LTBP1: variants seen among roughly 807,000 people sequenced by gnomAD.
The protein encoded by LTBP1 is latent-transforming growth factor beta-binding protein 1.
In LTBP1, 129 loss-of-function variants were observed where a neutral mutation model predicts 207.6. The ratio of observed to expected loss-of-function variants is 0.62; its 90% CI spans 0.54 to 0.72. The LOEUF (loss-of-function observed/expected upper bound fraction) is 0.72. Ranked by LOEUF, LTBP1 falls within the 30% of genes least tolerant of loss-of-function variation. The pLI, the probability that LTBP1 is intolerant of heterozygous loss-of-function variation, is 0.00. For missense variants in LTBP1, 2,281 were observed against 2,217.2 expected (o/e 1.03, Z -0.58); for synonymous variants, 963 against 833.7 (o/e 1.16, Z -2.67).
At chr2:33,358,907 A>T (rs2094895833) in intron 26 of LTBP1, among the ~76,000 whole-genome samples, 1 of 152,194 alleles carries the variant, frequency 6.6e-6, no homozygotes, top group Admixed American at 6.5e-5. Flanking sequence ...AGGCCCTTCT[A>T]ACGAAGATCC....
chr2:33,118,558 A>G (rs886138055), intron 4 of LTBP1, among the ~76,000 whole-genome samples: 122 of 152,180 alleles, frequency 8.0e-4, no homozygotes, highest in African/African-American at 2.8e-3. Flanking sequence ...CTGCTTTTCA[A>G]TGATTTCTGG....
chr2:33,183,858 A>G (rs921883793), intron 5 of LTBP1, among the ~76,000 whole-genome samples: 3 of 152,194 alleles, frequency 2.0e-5, no homozygotes, highest in Non-Finnish European at 4.4e-5. Context: ...TAGTTTGGGC[A>G]CTAATGAAGG....
intron 32 of LTBP1, among the ~76,000 whole-genome samples, chr2:33,390,652 T>A (rs2095307310): frequency 6.6e-6 from 1 of 151,970 alleles, no homozygotes; most frequent in Admixed American, 6.6e-5. Context: ...TATGTGCAGC[T>A]AATTTTTGTA....
intron 22 of LTBP1, among the ~76,000 whole-genome samples, chr2:33,304,343 A>G (rs2094049530): frequency 6.6e-6 from 1 of 152,196 alleles, no homozygotes; most frequent in Non-Finnish European, 1.5e-5. Context: ...ATTTAGCCAT[A>G]ATTAACTAAA....
At position 33,082,431 on chromosome 2, in the gene LTBP1, A is replaced by AATTTTTTTTTTTTTTTTTTTTTTTT. The variant is rs2078468929; in HGVS notation, c.864-28151_864-28150insATTTTTTTTTTTTTTTTTTTTTTTT. Reference sequence around the variant, plus strand: ...GTTAACCGTGGCTAAAGTATGACTCACTTTTTTTTTTTTTTTTTTTTTTTT... The same window carrying AATTTTTTTTTTTTTTTTTTTTTTTT: ...GTTAACCGTGGCTAAAGTATGACTCAATTTTTTTTTTTTTTTTTTTTTTTTCTTTTTTTTTTTTTTTTTTTTTTTT... On this transcript the variant is annotated intron_variant, in intron 3 of 33. Transcript: ENST00000404816. Among the ~76,000 whole-genome samples, 5 of 116,044 alleles carry AATTTTTTTTTTTTTTTTTTTTTTTT rather than the reference A, an allele frequency of 4.3e-5. 2 individuals are homozygous for AATTTTTTTTTTTTTTTTTTTTTTTT. Among genetic ancestry groups the AATTTTTTTTTTTTTTTTTTTTTTTT allele is most frequent in the African/African-American group, 6.7e-5 (2 of 29,924 alleles). The allele number at this position is 116,044 out of a possible 152,430, so 76.1% of individuals were successfully genotyped here.
At chr2:33,093,535 G>A (rs2079220916) in intron 3 of LTBP1, among the ~76,000 whole-genome samples, 1 of 151,914 alleles carries the variant, frequency 6.6e-6, no homozygotes, top group African/African-American at 2.4e-5. Context: ...ACCTTCATGG[G>A]CTCCGCATTT....
rs781400482 is a variant in LTBP1 at position 33,264,994 on chromosome 2, C to A, written c.2617+1602C>A. On this transcript the variant is annotated intron_variant, in intron 15 of 33. Coordinates refer to ENST00000404816, the MANE Select transcript of LTBP1 (RefSeq NM_206943.4). ...TGAGTCTGAAGGCCTGGATACCGGGCATACCAGCGTCTGAGGGCAGGAGAA... is the reference window on the plus strand; with the variant it reads ...TGAGTCTGAAGGCCTGGATACCGGGAATACCAGCGTCTGAGGGCAGGAGAA... Among the ~76,000 whole-genome samples, 4 of 152,224 alleles carry A rather than the reference C, an allele frequency of 2.6e-5. No homozygotes were observed. In the South Asian group the frequency reaches 6.2e-4, roughly 24 times the overall value.
chr2:33,386,698 G>C (rs2095268195), intron 31 of LTBP1, among the ~76,000 whole-genome samples: 1 of 152,102 alleles, frequency 6.6e-6, no homozygotes, highest in Non-Finnish European at 1.5e-5. Context: ...GGTAGCTCAT[G>C]CCTGTAGTTC....
At chr2:32,974,072 A>C (rs561653536) in intron 2 of LTBP1, among the ~76,000 whole-genome samples, 2 of 152,306 alleles carry the variant, frequency 1.3e-5, no homozygotes, top group Admixed American at 1.3e-4. Flanking sequence ...AGGAGTGCAA[A>C]TATCTCTTTG....
chr2:33,026,182 G>A (rs1374375060), intron 3 of LTBP1, among the ~76,000 whole-genome samples: 1 of 152,146 alleles, frequency 6.6e-6, no homozygotes, highest in African/African-American at 2.4e-5. Context: ...CAAGGAATTG[G>A]TCAGTAGTCA....
At chr2:33,316,968 A>G (rs566579032) in intron 24 of LTBP1, among the ~76,000 whole-genome samples, 1 of 152,332 alleles carries the variant, frequency 6.6e-6, no homozygotes, top group Admixed American at 6.5e-5. Flanking sequence ...GCAAAATTAT[A>G]TTCAGAAAAA....
intron 8 of LTBP1, among the ~76,000 whole-genome samples, chr2:33,220,331 C>T (rs956502729): frequency 1.6e-5 from 2 of 123,064 alleles, no homozygotes; most frequent in Non-Finnish European, 3.9e-5. Context: ...TTGTGTTCCA[C>T]ACCTCTTTTT....
rs116019806 is a variant in LTBP1 at position 33,048,309 on chromosome 2, A to G, written c.863+27103A>G. Among the ~76,000 whole-genome samples the G allele has an allele frequency of 4.7e-3, 722 of 152,354 alleles. 3 individuals carry two copies. The highest frequency in any genetic ancestry group is 0.015 in the African/African-American group (621 of 41,582). On this transcript the variant is annotated intron_variant, in intron 3 of 33. Coordinates refer to ENST00000404816, the MANE Select transcript of LTBP1 (RefSeq NM_206943.4). ...CTGGCTGAGTGCTAGCAGGAAAGAC[A>G]TCCAGAACCTTCAGAGGATTCTGGG...
intron 3 of LTBP1, among the ~76,000 whole-genome samples, chr2:33,030,871 G>A (rs1381556964): frequency 1.3e-5 from 2 of 151,920 alleles, no homozygotes; most frequent in Non-Finnish European, 2.9e-5. Context: ...GCAATTTTGT[G>A]TTTCTTAGTT....
intron 19 of LTBP1, among the ~76,000 whole-genome samples, chr2:33,284,421 TC>T (rs1464313723): frequency 2.0e-5 from 3 of 152,232 alleles, no homozygotes; most frequent in Admixed American, 6.5e-5. Flanking sequence ...CGTAGCTTCT[TC>T]TTTCAAGTCG....
intron 3 of LTBP1, among the ~76,000 whole-genome samples, chr2:33,036,999 G>C (rs974709241): frequency 1.3e-5 from 2 of 151,984 alleles, no homozygotes; most frequent in Non-Finnish European, 2.9e-5. Flanking sequence ...TATAAAATGG[G>C]ATCCATTTCT....
intron 7 of LTBP1, among the ~76,000 whole-genome samples, chr2:33,204,327 G>T (rs1243346456): frequency 1.3e-5 from 2 of 152,242 alleles, no homozygotes; most frequent in South Asian, 4.1e-4. Context: ...CACTGCCATT[G>T]GGCAAATAGC....
chr2:33,087,084 C>CTTTTTTTTTTTT (rs35334788), intron 3 of LTBP1, among the ~76,000 whole-genome samples: 1,132 of 88,756 alleles, frequency 0.013, 117 homozygotes, highest in Non-Finnish European at 0.018. Flanking sequence ...CTCCTTTATG[C>CTTTTTTTTTTTT]TTTTTTTTTT....
intron 3 of LTBP1, among the ~76,000 whole-genome samples, chr2:33,083,901 C>G (rs1488624917): frequency 2.0e-5 from 3 of 152,140 alleles, no homozygotes; most frequent in African/African-American, 7.2e-5. Flanking sequence ...AGCCAGCATT[C>G]CTAATGGGTT....
Sources: gnomAD v4.1 joint callset for allele counts (sites outside exome capture counted in the v4.1 genomes callset) on GRCh38, gnomAD v4.1.1 for gene constraint, MANE v1.5 for transcripts, NCBI Gene and HGNC (gene_info 2026-07-23, HGNC 2026-07-21) for gene names.